Variants in MTAP observed in about 807,000 individuals in gnomAD.
The protein encoded by MTAP is methylthioadenosine phosphorylase, also known as S-methyl-5'-thioadenosine phosphorylase.
MTAP carries 33 observed loss-of-function variants against 33.6 expected under a neutral mutation model. The observed-to-expected ratio is 0.98, with a 90% confidence interval of 0.74 to 1.31. The LOEUF is 1.31. MTAP is among the 40% of genes most tolerant of loss of function. The probability of loss-of-function intolerance (pLI) is 0.00; values close to 1 mark genes in which losing one functional copy is unlikely to be tolerated. For synonymous variants in MTAP, 148 were observed against 125.7 expected, an observed-to-expected ratio of 1.18 and a Z score of -1.19; for missense variants, 367 against 360.0, an observed-to-expected ratio of 1.02 and a Z score of -0.16.
intron 2 of MTAP, chr9:21,815,721 GT>G: frequency 3.6e-6 from 2 of 550,352 alleles, no homozygotes; most frequent in Non-Finnish European, 3.2e-6. Flanking sequence ...ACACTTTGAT[GT>G]TTTGAGAAAA....
At chr9:21,815,367 C>T in intron 1 of MTAP, 66 bp from the exon 2 acceptor site, 1 of 1,142,886 alleles carries the variant, frequency 8.7e-7, no homozygotes. Flanking sequence ...AATGAATTTG[C>T]TTAGAATCTT....
At chr9:21,804,826 C>CTGGACCTAGATAATGACAGAAT (rs1824165943) in intron 1 of MTAP, among the ~76,000 whole-genome samples, 1 of 152,218 alleles carries the variant, frequency 6.6e-6, no homozygotes, top group African/African-American at 2.4e-5. Flanking sequence ...AATTACACAG[C>CTGGACCTAGATAATGACAGAAT]TGGACCTAGA....
chr9:21,835,917 A>G (rs373964702), intron 4 of MTAP, among the ~76,000 whole-genome samples: 57 of 152,356 alleles, frequency 3.7e-4, no homozygotes, highest in East Asian at 3.3e-3. Flanking sequence ...TGGGCAAACT[A>G]TAAGAGGTGT....
intron 1 of MTAP, among the ~76,000 whole-genome samples, chr9:21,918,349 CAAAAAAAAAAAAAAA>C (rs34446505): frequency 4.2e-5 from 1 of 23,814 alleles, no homozygotes; most frequent in East Asian, 9.5e-4. Flanking sequence ...GACTCCGTCT[CAAAAAAAAAAAAAAA>C]AAAAAAAAAA....
chr9:21,867,406 A>G (rs1825870679), downstream of MTAP, among the ~76,000 whole-genome samples: 1 of 152,104 alleles, frequency 6.6e-6, no homozygotes, highest in African/African-American at 2.4e-5. Flanking sequence ...TTCACCAAGT[A>G]CTTTTTCCTG....
chr9:21,850,971 T>G (rs1825496929), intron 5 of MTAP, among the ~76,000 whole-genome samples: 1 of 152,246 alleles, frequency 6.6e-6, no homozygotes, highest in Non-Finnish European at 1.5e-5. Context: ...GTTACAGTGC[T>G]GGCTGGGGTG....
chr9:21,899,546 G>T (rs1040290939), intron 1 of MTAP, among the ~76,000 whole-genome samples: 2 of 152,278 alleles, frequency 1.3e-5, no homozygotes, highest in Middle Eastern at 3.4e-3. Flanking sequence ...GAGGCCTCAG[G>T]AAACTTACAG....
chr9:21,841,278 G>A (rs1039377637), intron 5 of MTAP, among the ~76,000 whole-genome samples: 2 of 152,204 alleles, frequency 1.3e-5, no homozygotes, highest in African/African-American at 4.8e-5. Context: ...TTCTGCAGCT[G>A]GTGCTCTCTT....
chr9:21,862,168 A>G lies in MTAP; in HGVS notation c.*154A>G, dbSNP rs767735914. 27 of 1,459,944 alleles carry G rather than the reference A, an allele frequency of 1.8e-5. No individual in the cohort carries two copies. The highest frequency in any genetic ancestry group is 2.3e-5 in the Non-Finnish European group (26 of 1,107,986). 90.4% of individuals were successfully genotyped at this position (1,459,944 alleles called of 1,614,324 possible). ...GTAAGAAAGACAAGACATTGTGTGT[A>G]TTAGAGACTCCTGAATGATTTAGAC... is the stretch of plus-strand genomic sequence containing the variant. On this transcript the variant is annotated 3_prime_UTR_variant, in exon 8 of 8. Coordinates refer to ENST00000644715, the MANE Select transcript of MTAP (RefSeq NM_002451.4).
At chr9:21,861,459 T>C (rs1478892001) in intron 7 of MTAP, 1 of 155,088 alleles carries the variant, frequency 6.4e-6, no homozygotes, top group Non-Finnish European at 1.4e-5. Flanking sequence ...ACCATACTAA[T>C]AATCCCTTTT....
At chr9:21,814,484 C>T (rs535709806) in intron 1 of MTAP, among the ~76,000 whole-genome samples, 1 of 152,142 alleles carries the variant, frequency 6.6e-6, no homozygotes, top group Admixed American at 6.6e-5. Flanking sequence ...ACTGTTTACT[C>T]TCTAGGAGGT....
chr9:21,814,976 A>C (rs1051200466), intron 1 of MTAP, among the ~76,000 whole-genome samples: 5 of 152,244 alleles, frequency 3.3e-5, no homozygotes, highest in Non-Finnish European at 7.3e-5. Context: ...GGAGAAATCA[A>C]TACCAAATGG....
intron 1 of MTAP, chr9:21,930,231 G>A (rs755871527): frequency 4.1e-6 from 1 of 245,138 alleles, no homozygotes; most frequent in South Asian, 5.8e-5. Flanking sequence ...AGTGTTAGCA[G>A]GCATGAATGT....
In MTAP at chr9:21,856,052, G is replaced by C. The variant is rs150855829; in HGVS notation, c.690+1182G>C. On this transcript the variant is annotated intron_variant, in intron 6 of 7. Transcript: ENST00000644715. ...TGTTGTATTTTAATGATTACCTCTT[G>C]TCTCTTTTAATCTAATTTTCACCTC... is the stretch of plus-strand genomic sequence containing the variant. The C allele has an allele frequency of 3.1e-4, 157 of 511,940 alleles. No homozygotes were observed. In the Middle Eastern group the frequency reaches 9.0e-3, roughly 29 times the overall value. 31.7% of individuals were successfully genotyped at this position (511,940 alleles called of 1,614,324 possible).
chr9:21,879,865 A>T (rs937133022), intron 1 of MTAP, among the ~76,000 whole-genome samples: 65 of 152,062 alleles, frequency 4.3e-4, no homozygotes, highest in African/African-American at 1.6e-3. Flanking sequence ...TAGGCCCCCA[A>T]TCCCTTCTGG....
exon 8 of MTAP, chr9:21,936,704 C>T (rs1819045341): frequency 6.6e-6 from 1 of 152,084 alleles, no homozygotes; most frequent in Non-Finnish European, 1.5e-5. Context: ...TACCCCATAA[C>T]CGTTCACAAT....
intron 1 of MTAP, among the ~76,000 whole-genome samples, chr9:21,872,496 C>T (rs577511618): frequency 2.0e-4 from 30 of 152,256 alleles, no homozygotes; most frequent in African/African-American, 6.0e-4. Flanking sequence ...ATTGTTGATT[C>T]GGTTGATACT....
chr9:21,856,174 C>T (rs910828829), intron 6 of MTAP: 1 of 985,228 alleles, frequency 1.0e-6, no homozygotes, highest in African/African-American at 1.7e-5. Context: ...ACTGCAGTCA[C>T]TTTTGAAGTA....
Position 21,922,575 on chromosome 9 carries a change from A to T in MTAP, c.148-8433A>T, listed in dbSNP as rs150356703. On this transcript the variant is annotated intron_variant, in intron 1 of 1. Transcript: ENST00000577563. The surrounding 1 kb of genome is among the most constrained non-coding windows in gnomAD (Gnocchi z 4.8). ...AACAAGTTCTTGCAGACCCATACAG[A>T]TTCACTGCTGCTAACATACTTTGAT... Among the ~76,000 whole-genome samples the T allele has an allele frequency of 7.6e-4, 116 of 152,208 alleles. 2 individuals are homozygous for T. In the East Asian group the frequency reaches 0.02, roughly 26 times the overall value.
Sources: gnomAD v4.1 joint callset for allele counts (sites outside exome capture counted in the v4.1 genomes callset) on GRCh38, gnomAD v4.1.1 for gene constraint, Gnocchi (gnomAD v3.1) non-coding constraint, MANE v1.5 for transcripts, NCBI Gene and HGNC (gene_info 2026-07-23, HGNC 2026-07-21) for gene names.